LOC112694756: variants seen among roughly 807,000 people sequenced by gnomAD.
chr16:30,066,614 C>T, the LOC112694756 span, among the ~76,000 whole-genome samples: 1 of 152,186 alleles, frequency 6.6e-6, no homozygotes, highest in African/African-American at 2.4e-5. Flanking sequence ...CTACCACCCG[C>T]CCCCTCCCTT....
chr16:30,069,295 T>C, the LOC112694756 span: 1 of 1,614,134 alleles, frequency 6.2e-7, no homozygotes, highest in Non-Finnish European at 8.5e-7. Flanking sequence ...ACCCTGTCCC[T>C]CGCCCTGCAG....
chr16:30,065,496 G>A, the LOC112694756 span, among the ~76,000 whole-genome samples: 1 of 152,192 alleles, frequency 6.6e-6, no homozygotes, highest in Non-Finnish European at 1.5e-5. Flanking sequence ...GCGCCCCAGA[G>A]CGCGCCAGGC....
chr16:30,066,748 T>G, the LOC112694756 span: 1 of 939,542 alleles, frequency 1.1e-6, no homozygotes, highest in South Asian at 1.8e-5. Context: ...TAATCTCAGA[T>G]CTGGCTCCGG....
chr16:30,059,831 GCGATTA>G, the LOC112694756 span, among the ~76,000 whole-genome samples: 3 of 151,762 alleles, frequency 2.0e-5, no homozygotes, highest in African/African-American at 7.3e-5. Flanking sequence ...CCAAAGTGCT[GCGATTA>G]CATACAGGCG....
At chr16:30,069,177 T>C in the LOC112694756 span, 1 of 1,348,150 alleles carries the variant, frequency 7.4e-7, no homozygotes, top group Non-Finnish European at 1.0e-6. Flanking sequence ...TTGTCTCCTG[T>C]AATCTGAGGG....
the LOC112694756 span, among the ~76,000 whole-genome samples, chr16:30,066,526 G>T: frequency 1.3e-5 from 2 of 152,330 alleles, no homozygotes; most frequent in African/African-American, 2.4e-5. Flanking sequence ...CGCTTTCCTC[G>T]CCTCGGGCTA....
chr16:30,066,528 CTCGGGCT>C, the LOC112694756 span, among the ~76,000 whole-genome samples: 1 of 152,244 alleles, frequency 6.6e-6, no homozygotes, highest in South Asian at 2.1e-4. Context: ...CTTTCCTCGC[CTCGGGCT>C]AGGGCTTGTT....
chr16:30,068,054 T>C, the LOC112694756 span: 1 of 242,218 alleles, frequency 4.1e-6, no homozygotes, highest in Admixed American at 5.4e-5. Flanking sequence ...ACTAAACATT[T>C]TAAGTAAATT....
the LOC112694756 span, chr16:30,066,799 G>C: frequency 1.4e-6 from 2 of 1,431,068 alleles, no homozygotes; most frequent in Non-Finnish European, 1.9e-6. Context: ...TCCCATATCT[G>C]GGCCCTTTCC....
chr16:30,054,359 G>A, the LOC112694756 span, among the ~76,000 whole-genome samples: 1 of 151,954 alleles, frequency 6.6e-6, no homozygotes, highest in African/African-American at 2.4e-5. Flanking sequence ...AAAGTTTTAA[G>A]TGAGTTACTG....
chr16:30,069,188 C>T, the LOC112694756 span: 2 of 1,370,348 alleles, frequency 1.5e-6, no homozygotes, highest in African/African-American at 1.4e-5. Context: ...AATCTGAGGG[C>T]TTTGAAGCCT....
chr16:30,055,141 C>G, the LOC112694756 span: 1 of 399,148 alleles, frequency 2.5e-6, no homozygotes, highest in Admixed American at 4.4e-5. Flanking sequence ...CTACCTGCTG[C>G]CTATTCCACA....
At chr16:30,057,239 A>G in the LOC112694756 span, among the ~76,000 whole-genome samples, 2 of 151,916 alleles carry the variant, frequency 1.3e-5, no homozygotes, top group African/African-American at 4.8e-5. Context: ...CTGACATCAC[A>G]CTTCGCCACC....
chr16:30,067,364 C>T, the LOC112694756 span: 2 of 1,614,064 alleles, frequency 1.2e-6, no homozygotes, highest in African/African-American at 1.3e-5. Context: ...GATGAGTCCA[C>T]TGGTGCGGGC....
chr16:30,058,461 C>T, the LOC112694756 span, among the ~76,000 whole-genome samples: 27 of 151,738 alleles, frequency 1.8e-4, no homozygotes, highest in African/African-American at 4.8e-5. Flanking sequence ...CATGCCTGCT[C>T]GCCTGCTCTG....
At chr16:30,053,721 C>G in the LOC112694756 span, among the ~76,000 whole-genome samples, 2 of 152,152 alleles carry the variant, frequency 1.3e-5, no homozygotes, top group Non-Finnish European at 2.9e-5. Context: ...ACTAAGTAAT[C>G]CACGAGAAAA....
At chr16:30,055,862 C>T in the LOC112694756 span, among the ~76,000 whole-genome samples, 5 of 152,088 alleles carry the variant, frequency 3.3e-5, no homozygotes, top group East Asian at 3.9e-4. Flanking sequence ...TGCAGTGGTG[C>T]GATCTAGGCT....
the LOC112694756 span, chr16:30,068,522 G>C: frequency 9.0e-7 from 1 of 1,109,154 alleles, no homozygotes; most frequent in Non-Finnish European, 1.4e-6. Flanking sequence ...AGGATCACTT[G>C]AGTCCAGGAA....
the LOC112694756 span, chr16:30,067,122 G>A: frequency 1.3e-6 from 2 of 1,575,962 alleles, no homozygotes; most frequent in African/African-American, 2.7e-5. Context: ...CTGGGTGTGG[G>A]GCAGGGGAGG....
Sources: allele counts gnomAD v4.1 joint callset (sites outside exome capture counted in the v4.1 genomes callset), GRCh38; gene constraint gnomAD v4.1.1; transcripts MANE v1.5.